The following XKR7 variants were observed in gnomAD, a reference collection of about 807,000 sequenced individuals.
XKR7 encodes the protein XK-related protein 7.
A neutral mutation model predicts 42.2 loss-of-function variants in XKR7; 11 were observed. The observed-to-expected ratio is 0.26, with a 90% CI of 0.16 to 0.43. The LOEUF is 0.43. XKR7 is among the 20% of genes least tolerant of loss of function. The pLI is 1.00. For missense variants in XKR7, 710 were observed against 802.2 expected (o/e 0.89, Z 1.39); for synonymous variants, 346 against 366.4 (o/e 0.94, Z 0.64).
intron 1 of XKR7, among the ~76,000 whole-genome samples, chr20:31,992,077 A>G (rs2064572674): frequency 6.6e-6 from 1 of 152,224 alleles, no homozygotes; most frequent in Non-Finnish European, 1.5e-5. Flanking sequence ...AGATCACACC[A>G]CTGCACTCCA....
Position 32,003,131 on chromosome 20 carries a change from T to A in XKR7, c.*5674T>A, listed in dbSNP as rs762958798. 3 of 152,412 alleles carry A rather than the reference T, an allele frequency of 2.0e-5. No individual in the cohort carries two copies. Among genetic ancestry groups the A allele is most frequent in the Middle Eastern group, 6.8e-3 (2 of 294 alleles). The allele number at this position is 152,412 out of a possible 1,614,324, so 9.4% of individuals were successfully genotyped here. ...AGTGATTCTTCCCCTCCCTGTCGTCTCTTCCTCCCTAACGGGCCCTCACCC... is the reference window on the plus strand; with the variant it reads ...AGTGATTCTTCCCCTCCCTGTCGTCACTTCCTCCCTAACGGGCCCTCACCC... On this transcript the variant is annotated 3_prime_UTR_variant, in exon 3 of 3. Transcript: ENST00000562532.
chr20:31,980,144 A>G (rs527506947), intron 1 of XKR7, among the ~76,000 whole-genome samples: 2 of 151,796 alleles, frequency 1.3e-5, no homozygotes, highest in East Asian at 3.9e-4. Flanking sequence ...AAAAAAAAAA[A>G]AAAAAAAGAG....
rs1568892516 is a variant in XKR7, at chr20:31,995,268, CG to C, written c.787+1del. 1 of 1,535,306 alleles carries C rather than the reference CG, an allele frequency of 6.5e-7. No individual in the cohort carries two copies. Among genetic ancestry groups the C allele is most frequent in the Admixed American group, 2.0e-5 (1 of 50,874 alleles). ...VHRGGAPDLL[P>X]ALSTSASLVS... ...CGCGGTGGCGCGCCCGACCTGCTGC[CG>C]GGTGAGCCCGCCCCTTCACCCTCTG... On this transcript the variant is annotated frameshift_variant and splice_region_variant, in exon 2 of 3. Transcript: ENST00000562532. LOFTEE classifies it high-confidence loss of function. The surrounding 1 kb of genome is among the most constrained non-coding windows in gnomAD (Gnocchi z 4.1).
chr20:31,986,288 G>A (rs1449384588), intron 1 of XKR7, among the ~76,000 whole-genome samples: 9 of 81,456 alleles, frequency 1.1e-4, no homozygotes, highest in African/African-American at 2.1e-4. Flanking sequence ...AGACCACCAA[G>A]CAGACCCAGC....
Sources: gnomAD v4.1 joint callset for allele counts (sites outside exome capture counted in the v4.1 genomes callset) on GRCh38, gnomAD v4.1.1 for gene constraint, Gnocchi (gnomAD v3.1) non-coding constraint, MANE v1.5 for transcripts, NCBI Gene and HGNC (gene_info 2026-07-23, HGNC 2026-07-21) for gene names.